The following VWA3B variants were observed in gnomAD, a reference collection of about 807,000 sequenced individuals.
The protein encoded by VWA3B is von Willebrand factor A domain containing 3B.
VWA3B carries 138 observed loss-of-function variants against 158.3 expected under a neutral mutation model. The observed-to-expected ratio is 0.87, with a 90% CI of 0.76 to 1.00. The LOEUF (loss-of-function observed/expected upper bound fraction) is 1.00, where lower values mean the gene tolerates loss of function less well. Ranked by LOEUF, VWA3B falls within the 50% of genes least tolerant of loss-of-function variation. VWA3B has a pLI of 0.00. For synonymous variants in VWA3B, 596 were observed against 587.3 expected (o/e 1.01, Z -0.21); for missense variants, 1,555 against 1,565.1 (o/e 0.99, Z 0.11).
At chr2:98,253,449 C>T (rs1558730028) in intron 20 of VWA3B, among the ~76,000 whole-genome samples, 1 of 152,088 alleles carries the variant, frequency 6.6e-6, no homozygotes, top group Non-Finnish European at 1.5e-5. Context: ...ACCGAGGCAG[C>T]AATTTTGGCT....
chr2:98,255,182 A>ATTTTT lies in VWA3B; in HGVS notation c.2793-917_2793-913dup, dbSNP rs769708577. On this transcript the variant is annotated intron_variant, in intron 20 of 27. Coordinates refer to ENST00000477737, the MANE Select transcript of VWA3B (RefSeq NM_144992.5). ...TCGCCCGCCACCACGCCCGGCTGAT[A>ATTTTT]TTTTTTTTTTTTTTTTTTTTTTTTT... Among the ~76,000 whole-genome samples the ATTTTT allele has an allele frequency of 1.3e-3, 70 of 52,148 alleles. 14 individuals are homozygous for ATTTTT. Among genetic ancestry groups the ATTTTT allele is most frequent in the Middle Eastern group, 0.025 (1 of 40 alleles). 34.2% of individuals were successfully genotyped at this position (52,148 alleles called of 152,430 possible).
In VWA3B at chr2:98,270,874, C is replaced by A; in HGVS notation, c.3036C>A (p.Ala1012=). 6.2e-7 allele frequency: 1 copy of A among 1,613,814 alleles called. No homozygotes were observed. Among genetic ancestry groups the A allele is most frequent in the Non-Finnish European group, 8.5e-7 (1 of 1,179,868 alleles). ...CCAAGAAGAATTATGCAAACAAGGC[C>A]CCGGGAGAGGTGGGTGCCCTGGAGG... ...EAAKKNYANK[A]PGEQQKLQGN... The change falls in exon 22 of 28, where the codon GCC becomes GCA. Residue 1012 remains alanine, a synonymous_variant. Transcript: ENST00000477737.
intron 13 of VWA3B, among the ~76,000 whole-genome samples, chr2:98,213,233 G>T (rs769283589): frequency 1.7e-4 from 26 of 152,312 alleles, no homozygotes; most frequent in Non-Finnish European, 3.2e-4. Flanking sequence ...AAGAAGATCA[G>T]GGTGGAGGTG....
At chr2:98,139,023 C>T (rs987716708) in intron 7 of VWA3B, among the ~76,000 whole-genome samples, 2 of 152,170 alleles carry the variant, frequency 1.3e-5, no homozygotes, top group African/African-American at 4.8e-5. Flanking sequence ...GAGCGGGAGC[C>T]GGGGCTGCGC....
At chr2:98,252,821 T>C (rs1215408042) in intron 20 of VWA3B, among the ~76,000 whole-genome samples, 1 of 152,132 alleles carries the variant, frequency 6.6e-6, no homozygotes, top group African/African-American at 2.4e-5. Context: ...AAAACAAACA[T>C]AGTAAGTCAT....
rs759918911 is a variant in VWA3B, at chr2:98,181,007, A to T, written c.1115-9A>T. On this transcript the variant is annotated splice_polypyrimidine_tract_variant and intron_variant, in intron 8 of 27. Coordinates refer to ENST00000477737, the MANE Select transcript of VWA3B (RefSeq NM_144992.5). The stretch of plus-strand genomic sequence containing the variant: ...CAGTATGAATGGCTGACAAGCTGTG[A>T]TTCTACAGAGTCAGAAACAACCTCT... The T allele has an allele frequency of 2.5e-6, 4 of 1,613,462 alleles. No individual in the cohort carries two copies. In the South Asian group the frequency reaches 4.4e-5, roughly 18 times the overall value.
Position 98,250,377 on chromosome 2 carries a change from A to G in VWA3B, c.2733A>G (p.Gln911=). 1 of 1,613,754 alleles carries G rather than the reference A, an allele frequency of 6.2e-7. No homozygotes were observed. Among genetic ancestry groups the G allele is most frequent in the Non-Finnish European group, 8.5e-7 (1 of 1,179,914 alleles). The change falls in exon 20 of 28, where the codon CAA becomes CAG. Residue 911 remains glutamine, a synonymous_variant. Transcript: ENST00000477737. ...ATAAGATGACATTAATTAACCCCCA[A>G]GGAGCCAAACTCAATATCTACAAGC... ...DTNKMTLINP[Q]GAKLNIYKRK...
At chr2:98,165,232 T>C (rs1678969021) in intron 8 of VWA3B, among the ~76,000 whole-genome samples, 1 of 152,214 alleles carries the variant, frequency 6.6e-6, no homozygotes, top group African/African-American at 2.4e-5. Flanking sequence ...ATTTCATATT[T>C]GCTACAATCT....
intron 11 of VWA3B, among the ~76,000 whole-genome samples, chr2:98,193,662 C>A (rs1189955553): frequency 6.6e-6 from 1 of 150,400 alleles, no homozygotes; most frequent in Non-Finnish European, 1.5e-5. Flanking sequence ...GTGGTGCCAA[C>A]CCGGCTCACT....
intron 7 of VWA3B, among the ~76,000 whole-genome samples, chr2:98,139,531 A>G (rs1435473598): frequency 6.6e-6 from 1 of 151,774 alleles, no homozygotes; most frequent in Admixed American, 6.6e-5. Context: ...ACCAATCGGC[A>G]CTCTGTGTCT....
At chr2:98,155,083 A>G (rs1444447675) in intron 7 of VWA3B, among the ~76,000 whole-genome samples, 3 of 152,226 alleles carry the variant, frequency 2.0e-5, no homozygotes, top group Non-Finnish European at 4.4e-5. Flanking sequence ...CAGATAGTGG[A>G]AGCCCAGCAA....
downstream of VWA3B, among the ~76,000 whole-genome samples, chr2:98,317,775 C>G (rs1691119297): frequency 2.0e-5 from 3 of 152,186 alleles, 1 homozygote; most frequent in South Asian, 6.2e-4. Flanking sequence ...CCCTGACCAC[C>G]TTAGGCACAT....
chr2:98,172,624 G>A (rs891469216), intron 8 of VWA3B, among the ~76,000 whole-genome samples: 5 of 152,112 alleles, frequency 3.3e-5, no homozygotes, highest in African/African-American at 1.2e-4. Context: ...CTTCCATATC[G>A]TTTAAAGGGA....
At chr2:98,188,417 C>T in intron 10 of VWA3B, among the ~76,000 whole-genome samples, 1 of 152,006 alleles carries the variant, frequency 6.6e-6, no homozygotes, top group Non-Finnish European at 1.5e-5. Flanking sequence ...CCATATTGAC[C>T]CTCCAGAGCT....
intron 13 of VWA3B, 53 bp downstream of exon 13, chr2:98,212,081 A>G: frequency 6.5e-7 from 1 of 1,534,360 alleles, no homozygotes; most frequent in Non-Finnish European, 9.0e-7. Flanking sequence ...CTGAAAGCAA[A>G]TGCTGGAAAT....
In VWA3B at chr2:98,230,043, A is replaced by G. The variant is rs200301726; in HGVS notation, c.2151-7A>G. ...TTTTGCTCGACTTTTTATCTAAATC[A>G]AAACAGGCATCAAAAGGAAATCTGT... On this transcript the variant is annotated splice_polypyrimidine_tract_variant and splice_region_variant and intron_variant, in intron 15 of 27. Transcript: ENST00000477737. 1.3e-6 allele frequency: 2 copies of G among 1,562,692 alleles called. No homozygotes were observed. Among genetic ancestry groups the G allele is most frequent in the Admixed American group, 2.2e-5 (1 of 45,072 alleles).
intron 21 of VWA3B, chr2:98,269,243 G>A (rs1217324625): frequency 6.6e-6 from 1 of 152,132 alleles, no homozygotes; most frequent in Admixed American, 6.5e-5. Context: ...ATCCCAGCTA[G>A]AGATTTGGGG....
intron 7 of VWA3B, among the ~76,000 whole-genome samples, chr2:98,136,560 G>A (rs1676299416): frequency 6.6e-6 from 1 of 151,612 alleles, no homozygotes. Flanking sequence ...CTTTGGGAGG[G>A]GAGGAATGCT....
At chr2:98,189,553 G>T (rs147609248) in intron 10 of VWA3B, among the ~76,000 whole-genome samples, 3 of 152,114 alleles carry the variant, frequency 2.0e-5, no homozygotes, top group Admixed American at 1.3e-4. Flanking sequence ...ATATGGTTTT[G>T]TTGGGTGGAG....
Sources: gnomAD v4.1 joint callset for allele counts (sites outside exome capture counted in the v4.1 genomes callset) on GRCh38, gnomAD v4.1.1 for gene constraint, MANE v1.5 for transcripts, NCBI Gene and HGNC (gene_info 2026-07-23, HGNC 2026-07-21) for gene names.